SORCS1: variants seen among roughly 807,000 people sequenced by gnomAD.
The protein encoded by SORCS1 is sortilin related VPS10 domain containing receptor 1, also known as VPS10 domain-containing receptor SorCS1.
A neutral mutation model predicts 146.1 loss-of-function variants in SORCS1; 60 were observed. The observed-to-expected ratio is 0.41, with a 90% CI of 0.33 to 0.51. The LOEUF (loss-of-function observed/expected upper bound fraction) is 0.51, where lower values mean the gene tolerates loss of function less well. Ranked by LOEUF, SORCS1 falls within the 20% of genes least tolerant of loss-of-function variation. The pLI, the probability that SORCS1 is intolerant of heterozygous loss-of-function variation, is 0.21. For missense variants in SORCS1, 1,352 were observed against 1,487.6 expected (o/e 0.91, Z 1.50); for synonymous variants, 637 against 584.0 (o/e 1.09, Z -1.31).
intron 1 of SORCS1, among the ~76,000 whole-genome samples, chr10:107,109,051 C>T (rs1300641610): frequency 6.6e-6 from 1 of 152,190 alleles, no homozygotes. Context: ...GCAGCTCTAC[C>T]CTTGTGGCTT....
chr10:107,053,889 G>T (rs918316578), intron 1 of SORCS1, among the ~76,000 whole-genome samples: 1 of 152,084 alleles, frequency 6.6e-6, no homozygotes, highest in Non-Finnish European at 1.5e-5. Flanking sequence ...AACAGCACTC[G>T]TTTCTATACA....
intron 2 of SORCS1, among the ~76,000 whole-genome samples, chr10:106,879,192 A>G (rs1226863583): frequency 2.6e-5 from 4 of 152,026 alleles, no homozygotes; most frequent in African/African-American, 4.8e-5. Flanking sequence ...AGAGTGAGCA[A>G]TGGTGAGCAT....
intron 3 of SORCS1, among the ~76,000 whole-genome samples, chr10:106,803,014 C>A (rs762457985): frequency 1.3e-5 from 2 of 152,152 alleles, no homozygotes; most frequent in Non-Finnish European, 2.9e-5. Flanking sequence ...ATCCTTTAGT[C>A]AGGAATGATC....
At chr10:106,877,675 C>A (rs947081672) in intron 2 of SORCS1, among the ~76,000 whole-genome samples, 2 of 152,114 alleles carry the variant, frequency 1.3e-5, no homozygotes, top group African/African-American at 4.8e-5. Context: ...TGGGAATATG[C>A]CGGTCCTGAC....
chr10:106,876,586 T>C (rs929197178), intron 2 of SORCS1, among the ~76,000 whole-genome samples: 1 of 151,702 alleles, frequency 6.6e-6, no homozygotes, highest in Non-Finnish European at 1.5e-5. Context: ...GTAATGTGGA[T>C]TGTATGTCAA....
At chr10:106,819,647 G>T (rs986923245) in intron 3 of SORCS1, among the ~76,000 whole-genome samples, 1 of 152,134 alleles carries the variant, frequency 6.6e-6, no homozygotes, top group African/African-American at 2.4e-5. Context: ...AGGGGAGCTG[G>T]AGAACCTAGA....
intron 24 of SORCS1, among the ~76,000 whole-genome samples, chr10:106,590,839 G>A (rs1289096589): frequency 6.6e-6 from 1 of 152,092 alleles, no homozygotes; most frequent in Non-Finnish European, 1.5e-5. Flanking sequence ...ACTTTTGATA[G>A]AGATGGGATT....
At chr10:106,994,377 T>C (rs1589877242) in intron 1 of SORCS1, among the ~76,000 whole-genome samples, 2 of 152,288 alleles carry the variant, frequency 1.3e-5, no homozygotes, top group African/African-American at 4.8e-5. Context: ...TACCAGTATA[T>C]GTTACTATTC....
chr10:106,593,156 T>C (rs1845711720), intron 24 of SORCS1, among the ~76,000 whole-genome samples: 1 of 149,470 alleles, frequency 6.7e-6, no homozygotes, highest in South Asian at 2.1e-4. Flanking sequence ...GAAACAAAAC[T>C]GTGGCAAGTG....
chr10:106,779,605 C>A (rs1370315800), intron 3 of SORCS1, among the ~76,000 whole-genome samples: 1 of 141,906 alleles, frequency 7.0e-6, no homozygotes, highest in Non-Finnish European at 1.5e-5. Context: ...GGCTGTAATG[C>A]AGTGACACAA....
intron 1 of SORCS1, among the ~76,000 whole-genome samples, chr10:107,021,482 C>A (rs1031554956): frequency 1.6e-5 from 2 of 127,684 alleles, no homozygotes; most frequent in African/African-American, 5.9e-5. Flanking sequence ...CCACTGCACT[C>A]CAGTCTAGGC....
At chr10:106,588,216 T>C (rs1190831084) in intron 24 of SORCS1, among the ~76,000 whole-genome samples, 4 of 152,244 alleles carry the variant, frequency 2.6e-5, no homozygotes, top group Non-Finnish European at 4.4e-5. Flanking sequence ...ATCTAGATTA[T>C]GGATTTAATA....
intron 1 of SORCS1, among the ~76,000 whole-genome samples, chr10:107,068,625 G>A (rs1962133974): frequency 6.6e-6 from 1 of 152,118 alleles, no homozygotes; most frequent in South Asian, 2.1e-4. Flanking sequence ...CCACCACTTT[G>A]GGAGGCCAAG....
At chr10:106,827,205 T>C in intron 3 of SORCS1, among the ~76,000 whole-genome samples, 1 of 44,440 alleles carries the variant, frequency 2.3e-5, no homozygotes, top group African/African-American at 7.1e-5. Flanking sequence ...ATATTTGGCA[T>C]CTTTTTTTTT....
intron 1 of SORCS1, among the ~76,000 whole-genome samples, chr10:107,054,420 A>C (rs1159459701): frequency 6.6e-6 from 1 of 152,122 alleles, no homozygotes; most frequent in Non-Finnish European, 1.5e-5. Flanking sequence ...AAAGAATGGG[A>C]AAAAATGGAC....
At chr10:106,938,103 A>G (rs1953844938) in intron 2 of SORCS1, among the ~76,000 whole-genome samples, 1 of 152,204 alleles carries the variant, frequency 6.6e-6, no homozygotes. Flanking sequence ...TCTTCTTTAC[A>G]AGGATAAATA....
At chr10:106,614,777 G>A (rs898458421) in intron 21 of SORCS1, among the ~76,000 whole-genome samples, 12 of 152,234 alleles carry the variant, frequency 7.9e-5, no homozygotes, top group Non-Finnish European at 1.8e-4. Context: ...GCAGGGAAAC[G>A]TACTTAAGTT....
At chr10:106,592,573 G>A (rs2133281287) in intron 24 of SORCS1, among the ~76,000 whole-genome samples, 1 of 152,308 alleles carries the variant, frequency 6.6e-6, no homozygotes, top group South Asian at 2.1e-4. Context: ...CATCTGCTGA[G>A]CAATTAATGG....
At chr10:106,843,790 C>G (rs1393272046) in intron 2 of SORCS1, among the ~76,000 whole-genome samples, 2 of 152,178 alleles carry the variant, frequency 1.3e-5, no homozygotes, top group African/African-American at 4.8e-5. Context: ...AATACATTTT[C>G]TTTATCCATT....
Sources: gnomAD v4.1 joint callset for allele counts (sites outside exome capture counted in the v4.1 genomes callset) on GRCh38, gnomAD v4.1.1 for gene constraint, MANE v1.5 for transcripts, NCBI Gene and HGNC (gene_info 2026-07-23, HGNC 2026-07-21) for gene names.